Variants in UNC5D observed in about 807,000 individuals in gnomAD.
The protein encoded by UNC5D is netrin receptor UNC5D.
In UNC5D, 39 loss-of-function variants were observed where a neutral mutation model predicts 105.4. That is an observed-to-expected ratio of 0.37 (90% CI 0.29 to 0.48). UNC5D has a LOEUF of 0.48. Among genes scored for constraint, UNC5D ranks in the 20% least tolerant of loss-of-function variants. The pLI, the probability that UNC5D is intolerant of heterozygous loss-of-function variation, is 0.98. For missense variants in UNC5D, 991 were observed against 1,202.4 expected, an observed-to-expected ratio of 0.82 and a Z score of 2.60; for synonymous variants, 452 against 450.4, an observed-to-expected ratio of 1.00 and a Z score of -0.04.
At chr8:35,407,347 A>G (rs1242246313) in intron 1 of UNC5D, among the ~76,000 whole-genome samples, 1 of 147,018 alleles carries the variant, frequency 6.8e-6, no homozygotes, top group Non-Finnish European at 1.5e-5. Context: ...TAGTATAAGT[A>G]AAAAAAAAAC....
Position 35,790,669 on chromosome 8 carries a change from AT to A in UNC5D, c.*109del. The A allele has an allele frequency of 2.4e-6, 3 of 1,256,136 alleles. No homozygotes were observed. Among genetic ancestry groups the A allele is most frequent in the Non-Finnish European group, 3.4e-6 (3 of 891,388 alleles). The allele number at this position is 1,256,136 out of a possible 1,614,324, so 77.8% of individuals were successfully genotyped here. A position where few individuals can be genotyped will look rare whatever the true frequency, so the allele number is the denominator to read the frequency against. On this transcript the variant is annotated 3_prime_UTR_variant, in exon 17 of 17. Transcript: ENST00000404895. ...GTGGCGTTGGGGGAATTCAGCCTTC[AT>A]TTATAATCAGTGAGATTCCCCTGTT...
chr8:35,497,058 T>C (rs181517950), intron 1 of UNC5D, among the ~76,000 whole-genome samples: 4 of 152,172 alleles, frequency 2.6e-5, no homozygotes, highest in Non-Finnish European at 5.9e-5. Flanking sequence ...GAAGCCCTCA[T>C]AGGGAATGAA....
At chr8:35,767,580 A>G (rs1373743252) in intron 15 of UNC5D, among the ~76,000 whole-genome samples, 1 of 152,192 alleles carries the variant, frequency 6.6e-6, no homozygotes, top group African/African-American at 2.4e-5. Context: ...AGAATTCTGT[A>G]CATCCACATT....
intron 7 of UNC5D, among the ~76,000 whole-genome samples, chr8:35,693,897 A>G (rs559646906): frequency 8.2e-4 from 125 of 152,124 alleles, no homozygotes; most frequent in Non-Finnish European, 1.6e-3. Flanking sequence ...GAGAAGTCAA[A>G]ATAAAACACC....
At chr8:35,776,907 G>A (rs1802272895) in intron 16 of UNC5D, among the ~76,000 whole-genome samples, 2 of 152,120 alleles carry the variant, frequency 1.3e-5, no homozygotes, top group Admixed American at 6.5e-5. Flanking sequence ...CCACAAGTTC[G>A]AGGCCACAAG....
chr8:35,246,007 C>A (rs572576998), intron 1 of UNC5D, among the ~76,000 whole-genome samples: 1 of 152,258 alleles, frequency 6.6e-6, no homozygotes, highest in East Asian at 1.9e-4. Context: ...CCCCTATGCT[C>A]GGTCTTTTCT....
intron 2 of UNC5D, among the ~76,000 whole-genome samples, chr8:35,560,733 G>A (rs753861077): frequency 7.8e-4 from 119 of 152,308 alleles, no homozygotes; most frequent in Non-Finnish European, 1.5e-3. Context: ...AATGTCACTT[G>A]TGGCCTTTTA....
intron 16 of UNC5D, among the ~76,000 whole-genome samples, chr8:35,780,184 C>G (rs764459819): frequency 2.6e-5 from 4 of 152,268 alleles, no homozygotes; most frequent in South Asian, 4.1e-4. Flanking sequence ...AAGCACTTGC[C>G]AGGGAAAACA....
Position 35,402,469 on chromosome 8 carries a change from A to G in UNC5D, c.104-146823A>G, listed in dbSNP as rs532778701. On this transcript the variant is annotated intron_variant, in intron 1 of 16. Coordinates refer to ENST00000404895, the MANE Select transcript of UNC5D (RefSeq NM_080872.4). ...TGCACCTGTGATTGAATTATCTCGC[A>G]CTGGGTTTCTCCTGCAACACGTGGG... 2.6e-4 allele frequency among the ~76,000 whole-genome samples: 39 copies of G among 152,006 alleles called. 1 individual carries two copies. Among genetic ancestry groups the G allele is most frequent in the Non-Finnish European group, 4.9e-4 (33 of 68,018 alleles).
chr8:35,704,533 G>A (rs1200113378), intron 7 of UNC5D, among the ~76,000 whole-genome samples: 1 of 152,188 alleles, frequency 6.6e-6, no homozygotes, highest in Non-Finnish European at 1.5e-5. Flanking sequence ...TCACCTTCGG[G>A]CAAACAGAGA....
At chr8:35,631,996 A>G (rs1822070339) in intron 4 of UNC5D, among the ~76,000 whole-genome samples, 1 of 152,202 alleles carries the variant, frequency 6.6e-6, no homozygotes, top group Non-Finnish European at 1.5e-5. Context: ...ACATGTAAGC[A>G]TTTGCCCCGT....
At chr8:35,567,242 G>C (rs1361671091) in intron 2 of UNC5D, among the ~76,000 whole-genome samples, 1 of 151,974 alleles carries the variant, frequency 6.6e-6, no homozygotes, top group African/African-American at 2.4e-5. Flanking sequence ...AGACTAACTT[G>C]GTTTATGTGT....
At chr8:35,625,303 T>C (rs1267555195) in intron 4 of UNC5D, among the ~76,000 whole-genome samples, 3 of 152,360 alleles carry the variant, frequency 2.0e-5, no homozygotes, top group African/African-American at 7.2e-5. Flanking sequence ...TTTGGCACTT[T>C]AATGGGTTCC....
chr8:35,387,021 C>G (rs1554520163), intron 1 of UNC5D, among the ~76,000 whole-genome samples: 1 of 151,780 alleles, frequency 6.6e-6, no homozygotes, highest in Non-Finnish European at 1.5e-5. Flanking sequence ...GAATTCCCCC[C>G]CTGCTGTAGT....
chr8:35,535,605 T>G (rs1814779335), intron 1 of UNC5D, among the ~76,000 whole-genome samples: 1 of 152,082 alleles, frequency 6.6e-6, no homozygotes, highest in Admixed American at 6.6e-5. Context: ...AACTGGTTAC[T>G]GGGTTGTAAT....
intron 1 of UNC5D, among the ~76,000 whole-genome samples, chr8:35,312,363 T>C (rs1267443874): frequency 6.6e-6 from 1 of 152,216 alleles, no homozygotes; most frequent in Non-Finnish European, 1.5e-5. Context: ...TTTAAATATA[T>C]GTCCAGGATA....
chr8:35,788,206 C>T (rs926301277), intron 16 of UNC5D, among the ~76,000 whole-genome samples: 4 of 149,330 alleles, frequency 2.7e-5, no homozygotes, highest in African/African-American at 5.1e-5. Flanking sequence ...TGTGTGTGTG[C>T]GTGCATGCAT....
At chr8:35,647,971 A>C (rs555195361) in intron 4 of UNC5D, among the ~76,000 whole-genome samples, 1 of 152,300 alleles carries the variant, frequency 6.6e-6, no homozygotes, top group South Asian at 2.1e-4. Flanking sequence ...CTAGAGTTTC[A>C]GCAATAGTCA....
intron 14 of UNC5D, among the ~76,000 whole-genome samples, chr8:35,766,655 G>T (rs1039407738): frequency 6.6e-6 from 1 of 152,112 alleles, no homozygotes; most frequent in Non-Finnish European, 1.5e-5. Flanking sequence ...CTTGCAGTGC[G>T]GTTTTGGAAT....
Sources: allele counts gnomAD v4.1 joint callset (sites outside exome capture counted in the v4.1 genomes callset), GRCh38; gene constraint gnomAD v4.1.1; transcripts MANE v1.5; gene names NCBI Gene and HGNC (gene_info 2026-07-23, HGNC 2026-07-21).